The following ZYG11A variants were observed in gnomAD, a reference collection of about 807,000 sequenced individuals.
ZYG11A encodes zyg-11 family member A, cell cycle regulator.
A neutral mutation model predicts 77.2 loss-of-function variants in ZYG11A; 62 were observed. The ratio of observed to expected loss-of-function variants is 0.80; its 90% CI spans 0.65 to 0.99. The LOEUF (loss-of-function observed/expected upper bound fraction) is 0.99, where lower values mean the gene tolerates loss of function less well. ZYG11A is among the 50% of genes least tolerant of loss of function. The probability of loss-of-function intolerance (pLI) is 0.00; values close to 1 mark genes in which losing one functional copy is unlikely to be tolerated. For missense variants in ZYG11A, 828 were observed against 896.8 expected (o/e 0.92, Z 0.98); for synonymous variants, 315 against 324.6 (o/e 0.97, Z 0.32).
chr1:52,882,621 A>G (rs1317997913), intron 11 of ZYG11A, among the ~76,000 whole-genome samples: 1 of 152,098 alleles, frequency 6.6e-6, no homozygotes, highest in Non-Finnish European at 1.5e-5. Flanking sequence ...CCTTTATTTT[A>G]CCCTCACATT....
chr1:52,843,181 G>C (rs867155393), intron 1 of ZYG11A, among the ~76,000 whole-genome samples: 2 of 152,124 alleles, frequency 1.3e-5, no homozygotes, highest in Admixed American at 6.5e-5. Context: ...CCGCGGAGCG[G>C]GGGGTGCTTT....
chr1:52,881,037 T>C (rs1467103564), intron 10 of ZYG11A, among the ~76,000 whole-genome samples: 1 of 152,188 alleles, frequency 6.6e-6, no homozygotes, highest in Non-Finnish European at 1.5e-5. Flanking sequence ...CTGACTTTCA[T>C]TGTTGTTGTT....
At chr1:52,852,766 G>T (rs533472783) in intron 1 of ZYG11A, among the ~76,000 whole-genome samples, 2 of 152,144 alleles carry the variant, frequency 1.3e-5, no homozygotes, top group Non-Finnish European at 2.9e-5. Context: ...ATGCATTTAA[G>T]ACACCTAAAC....
chr1:52,857,178 G>A lies in ZYG11A; in HGVS notation c.437G>A (p.Ser146Asn), dbSNP rs751840694. 1.1e-5 allele frequency: 17 copies of A among 1,552,018 alleles called. No individual in the cohort carries two copies. The South Asian group carries it at 1.9e-4, about 17-fold the overall frequency. ...GACCTCCCAGTTCCAGACATCATAA[G>A]TGGACTCTGCAGCAATAGGTGGATC... Reference protein sequence around the residue: ...HADLPVPDIISGLCSNRWIQQ... With the variant: ...HADLPVPDIINGLCSNRWIQQ... Residue 146 changes from serine to asparagine, a missense_variant, in exon 3 of 14, where the codon AGT (serine) becomes AAT (asparagine). Ser to Asn is a conservative substitution (Grantham distance 46). Coordinates refer to ENST00000371528, the MANE Select transcript of ZYG11A (RefSeq NM_001004339.3).
intron 8 of ZYG11A, among the ~76,000 whole-genome samples, chr1:52,876,082 A>G (rs1030999897): frequency 2.0e-5 from 3 of 152,192 alleles, no homozygotes; most frequent in Non-Finnish European, 4.4e-5. Flanking sequence ...GTATTTCTCA[A>G]TGAAAAAGAT....
intron 5 of ZYG11A, among the ~76,000 whole-genome samples, chr1:52,865,954 T>C (rs897634106): frequency 6.0e-5 from 9 of 149,194 alleles, no homozygotes. Context: ...TTTTTTTTTT[T>C]TGAGATGGAG....
chr1:52,854,093 CT>C (rs905999306), intron 1 of ZYG11A, among the ~76,000 whole-genome samples: 80 of 152,010 alleles, frequency 5.3e-4, no homozygotes, highest in African/African-American at 1.9e-3. Flanking sequence ...AGGATTTATA[CT>C]GTATTAGTGT....
intron 3 of ZYG11A, among the ~76,000 whole-genome samples, chr1:52,860,339 C>T (rs1485997094): frequency 3.9e-5 from 6 of 152,332 alleles, no homozygotes; most frequent in Middle Eastern, 3.4e-3. Context: ...TTAGCCACCA[C>T]GCCTGGCGCT....
intron 4 of ZYG11A, 114 bp from the exon 5 acceptor site, chr1:52,863,867 G>T: frequency 1.1e-6 from 1 of 938,976 alleles, no homozygotes; most frequent in Non-Finnish European, 1.6e-6. Flanking sequence ...GCTTAGGATA[G>T]GGAAAATCTG....
At position 52,860,770 on chromosome 1, in the gene ZYG11A, CTGAGCCGAT is replaced by C. The variant is rs1557437562; in HGVS notation, c.1049_1057del (p.Leu350_Tyr353delinsHis). On this transcript the variant is annotated inframe_deletion, in exon 4 of 14. Transcript: ENST00000371528. ...CAGTATGAGTCAGATTTCAGAAGCA[CTGAGCCGAT>C]ACAGGAACAGATCATGTTTTGTGAA... 6.4e-7 allele frequency: 1 copy of C among 1,551,658 alleles called. No homozygotes were observed. The highest frequency in any genetic ancestry group is 2.4e-5 in the East Asian group (1 of 40,924).
At chr1:52,870,687 C>A (rs1049962973) in intron 8 of ZYG11A, among the ~76,000 whole-genome samples, 1 of 152,230 alleles carries the variant, frequency 6.6e-6, no homozygotes, top group Non-Finnish European at 1.5e-5. Context: ...AGTGAAACCC[C>A]GTCTCCACCA....
chr1:52,889,485 G>A (rs899094175), intron 13 of ZYG11A, among the ~76,000 whole-genome samples: 1 of 150,938 alleles, frequency 6.6e-6, no homozygotes, highest in Non-Finnish European at 1.5e-5. Context: ...GTCTTGCTAT[G>A]TTGCCCAGGC....
Position 52,867,740 on chromosome 1 carries a change from A to G in ZYG11A, c.1505A>G (p.Gln502Arg). The change falls in exon 8 of 14, where the codon CAA becomes CGA. Residue 502 changes from glutamine to arginine, a missense_variant. Coordinates refer to ENST00000371528, the MANE Select transcript of ZYG11A (RefSeq NM_001004339.3). ...GTTTGCTTATAGCTCTCACCTGAGC[A>G]AACGGCACAGCTTGAAGAGCTTTTC... Reference protein sequence around the residue: ...SILALQLSPEQTAQLEELFMA... With the variant: ...SILALQLSPERTAQLEELFMA... 1 of 1,551,656 alleles carries G rather than the reference A, an allele frequency of 6.4e-7. No homozygotes were observed. Among genetic ancestry groups the G allele is most frequent in the Non-Finnish European group, 8.7e-7 (1 of 1,147,000 alleles).
rs756928655 is a variant in ZYG11A, at chr1:52,852,946, G to GTA, written c.91-1518_91-1517dup. On this transcript the variant is annotated intron_variant, in intron 1 of 13. Coordinates refer to ENST00000371528, the MANE Select transcript of ZYG11A (RefSeq NM_001004339.3). The stretch of plus-strand genomic sequence containing the variant: ...AACAGTGGTCATATGTGTACTCACT[G>GTA]TAAACATACACAGTTGAAAGCACTC... Among the ~76,000 whole-genome samples the GTA allele has an allele frequency of 7.2e-5, 11 of 152,276 alleles. No homozygotes were observed. The East Asian group carries it at 2.1e-3, about 29-fold the overall frequency.
At chr1:52,860,203 C>T (rs566188092) in intron 3 of ZYG11A, among the ~76,000 whole-genome samples, 43 of 152,146 alleles carry the variant, frequency 2.8e-4, no homozygotes, top group African/African-American at 9.6e-4. Flanking sequence ...CGTTTAATAA[C>T]GTTGAGTCTC....
intron 4 of ZYG11A, among the ~76,000 whole-genome samples, chr1:52,862,954 T>G (rs1332384777): frequency 6.6e-6 from 1 of 152,130 alleles, no homozygotes; most frequent in Non-Finnish European, 1.5e-5. Context: ...TGGCTGTTTT[T>G]TTTGTTTTTT....
At chr1:52,888,475 A>C (rs568149467) in intron 13 of ZYG11A, among the ~76,000 whole-genome samples, 17 of 152,270 alleles carry the variant, frequency 1.1e-4, no homozygotes, top group African/African-American at 4.1e-4. Context: ...CTCCTGCCTC[A>C]GCCTCCCGAG....
intron 8 of ZYG11A, among the ~76,000 whole-genome samples, chr1:52,871,940 G>A (rs974678688): frequency 2.6e-5 from 4 of 152,142 alleles, no homozygotes; most frequent in Non-Finnish European, 4.4e-5. Flanking sequence ...GTATGTTCAA[G>A]TGTTTGTCAT....
chr1:52,870,499 C>T (rs1288784272), intron 8 of ZYG11A, among the ~76,000 whole-genome samples: 2 of 152,148 alleles, frequency 1.3e-5, no homozygotes, highest in Non-Finnish European at 2.9e-5. Flanking sequence ...CTTTGGGAGG[C>T]CAAGGCACGC....
Sources: gnomAD v4.1 joint callset for allele counts (sites outside exome capture counted in the v4.1 genomes callset) on GRCh38, gnomAD v4.1.1 for gene constraint, MANE v1.5 for transcripts, NCBI Gene and HGNC (gene_info 2026-07-23, HGNC 2026-07-21) for gene names.